NIPAL3: variants seen among roughly 807,000 people sequenced by gnomAD.
The protein encoded by NIPAL3 is NIPA-like protein 3.
NIPAL3 carries 41 observed loss-of-function variants against 47.2 expected under a neutral mutation model. That is an observed-to-expected ratio of 0.87 (90% CI 0.68 to 1.13). The LOEUF (loss-of-function observed/expected upper bound fraction) is 1.13. Among genes scored for constraint, NIPAL3 ranks in the 50% most tolerant of loss-of-function variants. NIPAL3 has a pLI of 0.00. For missense variants in NIPAL3, 449 were observed against 530.1 expected, an observed-to-expected ratio of 0.85 and a Z score of 1.50; for synonymous variants, 194 against 209.6, an observed-to-expected ratio of 0.93 and a Z score of 0.64.
intron 7 of NIPAL3, chr1:24,453,904 T>G: frequency 7.3e-6 from 3 of 412,112 alleles, no homozygotes; most frequent in Non-Finnish European, 1.4e-5. Context: ...AGCTTAGGGA[T>G]TCATTCTGAT....
In NIPAL3 at chr1:24,449,613, TC is replaced by T. The variant is rs1401534466; in HGVS notation, c.529del (p.Leu177PhefsTer28). The T allele has an allele frequency of 6.2e-7, 1 of 1,613,522 alleles. No homozygotes were observed. Among genetic ancestry groups the T allele is most frequent in the East Asian group, 2.2e-5 (1 of 44,878 alleles). On this transcript the variant is annotated frameshift_variant, in exon 6 of 12. Coordinates refer to ENST00000374399, the MANE Select transcript of NIPAL3 (RefSeq NM_020448.5). LOFTEE classifies it high-confidence loss of function. The surrounding 1 kb of genome is among the most constrained non-coding windows in gnomAD (Gnocchi z 4.5). ...NVTRHLVSWP[F>X]LLYMLVEIIL... ...ACCAGGCACCTCGTGAGCTGGCCTT[TC>T]CTTTTGTACATGGTAAGAGAAGCCT...
At chr1:24,413,909 G>C (rs1398123336), upstream of NIPAL3, 1 of 152,256 alleles carries the variant, frequency 6.6e-6, no homozygotes, top group Non-Finnish European at 1.5e-5. Flanking sequence ...GCCTGTAGCG[G>C]GGTGGGGAAC....
intron 2 of NIPAL3, among the ~76,000 whole-genome samples, chr1:24,433,764 G>A (rs1161940372): frequency 6.6e-6 from 1 of 152,156 alleles, no homozygotes; most frequent in Admixed American, 6.6e-5. Flanking sequence ...GGATGATTAA[G>A]TTTTAAAAGG....
At chr1:24,427,583 T>C (rs1644651559) in intron 2 of NIPAL3, among the ~76,000 whole-genome samples, 1 of 152,058 alleles carries the variant, frequency 6.6e-6, no homozygotes, top group African/African-American at 2.4e-5. Context: ...CCTAATTGAT[T>C]GTGCCACCTT....
chr1:24,456,832 G>C (rs1467941104), intron 8 of NIPAL3, among the ~76,000 whole-genome samples: 1 of 152,058 alleles, frequency 6.6e-6, no homozygotes, highest in African/African-American at 2.4e-5. Context: ...GAGCCATCTC[G>C]GCTCACTGTA....
At chr1:24,441,896 G>A (rs1645403806) in intron 3 of NIPAL3, among the ~76,000 whole-genome samples, 159 bp from the exon 4 acceptor site, 1 of 152,164 alleles carries the variant, frequency 6.6e-6, no homozygotes, top group Non-Finnish European at 1.5e-5. Flanking sequence ...CTAGTATTTA[G>A]ATCCCCACTG....
chr1:24,427,523 C>A (rs1184229181), intron 2 of NIPAL3, among the ~76,000 whole-genome samples: 1 of 152,158 alleles, frequency 6.6e-6, no homozygotes, highest in Non-Finnish European at 1.5e-5. Flanking sequence ...GAAACCTCAG[C>A]CATCTGTGTC....
rs914313187 is a variant in NIPAL3, at chr1:24,451,426, T to C, written c.540+1800T>C. On this transcript the variant is annotated intron_variant, in intron 6 of 11. Transcript: ENST00000374399. This position sits in a 1 kb window ranked among gnomAD's most constrained non-coding sequence, Gnocchi z 4.5. ...ATCATGGAGAACGGGCCACATGTGG[T>C]GGCTCACACCTATAATCTCAGCACT... Among the ~76,000 whole-genome samples the C allele has an allele frequency of 9.2e-5, 14 of 152,170 alleles. No homozygotes were observed. Among genetic ancestry groups the C allele is most frequent in the Non-Finnish European group, 1.9e-4 (13 of 68,038 alleles).
chr1:24,440,523 G>A (rs969603227), intron 3 of NIPAL3, among the ~76,000 whole-genome samples: 10 of 152,144 alleles, frequency 6.6e-5, no homozygotes, highest in Non-Finnish European at 1.2e-4. Context: ...TCTTTGCCTT[G>A]CTGCAAAGCT....
intron 11 of NIPAL3, 96 bp downstream of exon 11, chr1:24,464,216 T>G: frequency 1.1e-6 from 1 of 872,884 alleles, no homozygotes. Flanking sequence ...TGCTGTGCCT[T>G]TATCGTGTGA....
At chr1:24,430,903 TGTATAA>T (rs1352695545) in intron 2 of NIPAL3, among the ~76,000 whole-genome samples, 2 of 152,270 alleles carry the variant, frequency 1.3e-5, no homozygotes, top group Admixed American at 6.5e-5. Flanking sequence ...TGTAGTATAA[TGTATAA>T]GTATTTGTAC....
At chr1:24,462,083 G>A (rs1006133960) in intron 10 of NIPAL3, among the ~76,000 whole-genome samples, 1 of 152,224 alleles carries the variant, frequency 6.6e-6, no homozygotes, top group African/African-American at 2.4e-5. Flanking sequence ...AGAAGGGGAA[G>A]CAAACACGTC....
At chr1:24,430,299 GGAGT>G (rs1644821642) in intron 2 of NIPAL3, among the ~76,000 whole-genome samples, 3 of 151,250 alleles carry the variant, frequency 2.0e-5, no homozygotes, top group Non-Finnish European at 4.4e-5. Context: ...CTGGAGTGCA[GGAGT>G]GCAATGGCGC....
chr1:24,435,194 G>C (rs1186229856), intron 2 of NIPAL3, among the ~76,000 whole-genome samples: 3 of 152,112 alleles, frequency 2.0e-5, no homozygotes, highest in Non-Finnish European at 4.4e-5. Flanking sequence ...GGAATAACTG[G>C]ATATCCACAT....
chr1:24,443,053 C>T (rs1241333838), intron 4 of NIPAL3, among the ~76,000 whole-genome samples: 1 of 152,170 alleles, frequency 6.6e-6, no homozygotes, highest in Non-Finnish European at 1.5e-5. Context: ...ATCTGCCTGC[C>T]TTTCCTCCCA....
At chr1:24,440,929 T>A (rs903663177) in intron 3 of NIPAL3, among the ~76,000 whole-genome samples, 2 of 152,192 alleles carry the variant, frequency 1.3e-5, no homozygotes, top group Non-Finnish European at 1.5e-5. Context: ...TGAGTCCCAG[T>A]TGCCCACGGG....
chr1:24,442,477 G>C (rs58455066), intron 4 of NIPAL3, among the ~76,000 whole-genome samples: 3,525 of 152,278 alleles, frequency 0.023, 130 homozygotes, highest in African/African-American at 0.075. Flanking sequence ...CTGAGGCACG[G>C]GGTAATGAAA....
intron 11 of NIPAL3, chr1:24,465,616 T>G (rs11800250): frequency 1.5e-3 from 228 of 153,656 alleles, no homozygotes; most frequent in African/African-American, 5.3e-3. Flanking sequence ...TCAGGACACT[T>G]CCGATTGTAG....
intron 2 of NIPAL3, among the ~76,000 whole-genome samples, chr1:24,426,486 G>C (rs183594569): frequency 2.6e-5 from 4 of 152,190 alleles, no homozygotes; most frequent in East Asian, 1.9e-4. Context: ...GTAGAGACAG[G>C]GTTTCACCAT....
Sources: gnomAD v4.1 joint callset for allele counts (sites outside exome capture counted in the v4.1 genomes callset) on GRCh38, gnomAD v4.1.1 for gene constraint, Gnocchi (gnomAD v3.1) non-coding constraint, MANE v1.5 for transcripts, NCBI Gene and HGNC (gene_info 2026-07-23, HGNC 2026-07-21) for gene names.